KAZN: variants seen among roughly 807,000 people sequenced by gnomAD.
KAZN encodes the protein kazrin, periplakin interacting protein, also known as kazrin.
In KAZN, 40 loss-of-function variants were observed where a neutral mutation model predicts 87.4. The observed-to-expected ratio is 0.46, with a 90% CI of 0.36 to 0.60. KAZN has a LOEUF of 0.60. KAZN is among the 20% of genes least tolerant of loss of function. The pLI, the probability that KAZN is intolerant of heterozygous loss-of-function variation, is 0.00. For synonymous variants in KAZN, 466 were observed against 458.3 expected, an observed-to-expected ratio of 1.02 and a Z score of -0.22; for missense variants, 898 against 1,073.9, an observed-to-expected ratio of 0.84 and a Z score of 2.29.
At chr1:14,796,018 C>G (rs1443209531) in intron 1 of KAZN, among the ~76,000 whole-genome samples, 1 of 152,212 alleles carries the variant, frequency 6.6e-6, no homozygotes, top group Non-Finnish European at 1.5e-5. Context: ...TCCCCACCGC[C>G]TCCACTAGTG....
At chr1:14,453,496 G>A (rs993933159) in intron 2 of KAZN, among the ~76,000 whole-genome samples, 1 of 152,156 alleles carries the variant, frequency 6.6e-6, no homozygotes, top group Non-Finnish European at 1.5e-5. Flanking sequence ...AGACATCTGG[G>A]ATACTATGGA....
At chr1:14,743,079 C>T (rs1330200181) in intron 1 of KAZN, among the ~76,000 whole-genome samples, 2 of 152,022 alleles carry the variant, frequency 1.3e-5, no homozygotes, top group Non-Finnish European at 2.9e-5. Context: ...CAGAGTGGTG[C>T]GTCGCAGGCA....
intron 1 of KAZN, among the ~76,000 whole-genome samples, chr1:14,655,730 T>C (rs1354768333): frequency 6.6e-6 from 1 of 152,204 alleles, no homozygotes; most frequent in African/African-American, 2.4e-5. Context: ...TCTCGAACTT[T>C]TGCATCTACC....
At chr1:14,181,899 A>G (rs1646206218) in intron 2 of KAZN, among the ~76,000 whole-genome samples, 1 of 152,186 alleles carries the variant, frequency 6.6e-6, no homozygotes, top group Non-Finnish European at 1.5e-5. Context: ...GAATCCCAAA[A>G]GGCATTGTGT....
intron 1 of KAZN, among the ~76,000 whole-genome samples, chr1:14,007,491 G>C (rs1048700908): frequency 1.3e-5 from 2 of 152,132 alleles, no homozygotes; most frequent in African/African-American, 2.4e-5. Flanking sequence ...AGCTGGACAG[G>C]GTGGCACATT....
intron 2 of KAZN, among the ~76,000 whole-genome samples, chr1:14,442,654 C>T (rs941264363): frequency 2.0e-5 from 3 of 152,304 alleles, no homozygotes; most frequent in Middle Eastern, 6.8e-3. Flanking sequence ...TGAGCCAGGC[C>T]TGGAATTCCA....
chr1:14,577,078 CGT>C lies in KAZN; in HGVS notation c.250-21902_250-21901del, dbSNP rs150121632. Among the ~76,000 whole-genome samples, 516 of 152,294 alleles carry C rather than the reference CGT, an allele frequency of 3.4e-3. 2 individuals are homozygous for C. The highest frequency in any genetic ancestry group is 0.011 in the African/African-American group (451 of 41,566). ...TGAGAGGAATCTGGTTAGAAACCAGCGTGTAATGGATGAGAACACTTTTGCAA... is the reference window on the plus strand; with the variant it reads ...TGAGAGGAATCTGGTTAGAAACCAGCGTAATGGATGAGAACACTTTTGCAA... On this transcript the variant is annotated intron_variant, in intron 2 of 16. Transcript: ENST00000636203.
At chr1:14,348,274 A>C (rs1571356371) in intron 2 of KAZN, among the ~76,000 whole-genome samples, 2 of 150,570 alleles carry the variant, frequency 1.3e-5, no homozygotes, top group African/African-American at 4.9e-5. Flanking sequence ...CTGGTCTTGA[A>C]CTCCTGAGTT....
At chr1:14,289,509 C>CT (rs796867828) in intron 2 of KAZN, among the ~76,000 whole-genome samples, 9,762 of 145,744 alleles carry the variant, frequency 0.067, 973 homozygotes, top group African/African-American at 0.23. Flanking sequence ...GTAACTCTGC[C>CT]TTTTTTTTTT....
chr1:14,519,187 A>T (rs1445786534), intron 2 of KAZN, among the ~76,000 whole-genome samples: 1 of 152,194 alleles, frequency 6.6e-6, no homozygotes, highest in Non-Finnish European at 1.5e-5. Context: ...AGTTTCTGGA[A>T]TCAAAGAAAT....
chr1:14,246,002 A>G (rs1186966097), intron 2 of KAZN, among the ~76,000 whole-genome samples: 3 of 152,226 alleles, frequency 2.0e-5, no homozygotes, highest in Admixed American at 6.5e-5. Flanking sequence ...ATGTAGCCAT[A>G]AAAAGGAACA....
chr1:14,109,813 C>CTTTTTTTTTTTGAGATGGA lies in KAZN; in HGVS notation c.92-70622_92-70621insTTTTTTTTTTTGAGATGGA, dbSNP rs1289460974. Among the ~76,000 whole-genome samples, 144 of 125,224 alleles carry CTTTTTTTTTTTGAGATGGA rather than the reference C, an allele frequency of 1.1e-3. 1 individual carries two copies. Among genetic ancestry groups the CTTTTTTTTTTTGAGATGGA allele is most frequent in the Middle Eastern group, 4.3e-3 (1 of 232 alleles). The allele number at this position is 125,224 out of a possible 152,430, so 82.2% of individuals were successfully genotyped here. ...CTGAAAATGCCATTCCTTATCAAAA[C>CTTTTTTTTTTTGAGATGGA]GATTTCAGCGTCAAGTAGGAGCTGT... On this transcript the variant is annotated intron_variant, in intron 1 of 16. Transcript: ENST00000636203.
intron 1 of KAZN, among the ~76,000 whole-genome samples, chr1:14,170,747 A>G (rs1645937803): frequency 8.6e-6 from 1 of 116,898 alleles, no homozygotes; most frequent in Admixed American, 9.6e-5. Context: ...TCTGAGACAG[A>G]GTCTCACTCT....
rs115946469 is a variant in KAZN at position 14,332,383 on chromosome 1, T to G, written c.249+151791T>G. 8.7e-3 allele frequency among the ~76,000 whole-genome samples: 1,324 copies of G among 152,142 alleles called. 25 individuals carry two copies. Among genetic ancestry groups the G allele is most frequent in the African/African-American group, 0.03 (1,261 of 41,504 alleles). ...GTCACGGGAGATGGAATGTCCACCT[T>G]TGGGGATAATGCTGAAGACTGAAGG... On this transcript the variant is annotated intron_variant, in intron 2 of 16. Transcript: ENST00000636203.
intron 1 of KAZN, among the ~76,000 whole-genome samples, chr1:13,963,863 A>C (rs1641849035): frequency 6.6e-6 from 1 of 151,766 alleles, no homozygotes; most frequent in Non-Finnish European, 1.5e-5. Context: ...GGAGTTAGAT[A>C]TCATACCTGT....
intron 5 of KAZN, among the ~76,000 whole-genome samples, chr1:15,058,978 C>T (rs1017185237): frequency 2.0e-5 from 3 of 152,010 alleles, no homozygotes; most frequent in Non-Finnish European, 4.4e-5. Context: ...GCAAAGAACA[C>T]ACCACTGCAC....
chr1:14,668,341 G>A (rs1003387787), intron 1 of KAZN, among the ~76,000 whole-genome samples: 2 of 152,172 alleles, frequency 1.3e-5, no homozygotes, highest in African/African-American at 4.8e-5. Flanking sequence ...GCGGTTCATG[G>A]CTGTCCTTTG....
intron 1 of KAZN, among the ~76,000 whole-genome samples, chr1:14,756,558 T>C (rs986458038): frequency 6.6e-5 from 10 of 152,196 alleles, no homozygotes; most frequent in African/African-American, 1.9e-4. Context: ...TGATTTCTCA[T>C]TGAAATATCC....
At chr1:15,098,817 G>C (rs1261345111) in intron 10 of KAZN, among the ~76,000 whole-genome samples, 1 of 152,224 alleles carries the variant, frequency 6.6e-6, no homozygotes, top group Non-Finnish European at 1.5e-5. Flanking sequence ...ACCCAGCACT[G>C]CTCTGTCATC....
Sources: allele counts gnomAD v4.1 joint callset (sites outside exome capture counted in the v4.1 genomes callset), GRCh38; gene constraint gnomAD v4.1.1; transcripts MANE v1.5; gene names NCBI Gene and HGNC (gene_info 2026-07-23, HGNC 2026-07-21).